The following MRTFA variants were observed in gnomAD, a reference collection of about 807,000 sequenced individuals.
MRTFA encodes the protein myocardin related transcription factor A.
Under a neutral mutation model 83.5 loss-of-function variants are expected in MRTFA, and 20 were observed. The observed-to-expected ratio is 0.24, with a 90% CI of 0.17 to 0.35. The LOEUF is 0.35. Among genes scored for constraint, MRTFA ranks in the 10% least tolerant of loss-of-function variants. The probability of loss-of-function intolerance (pLI) is 1.00; values close to 1 mark genes in which losing one functional copy is unlikely to be tolerated. For synonymous variants in MRTFA, 659 were observed against 541.2 expected (o/e 1.22, Z -3.02); for missense variants, 1,200 against 1,224.7 (o/e 0.98, Z 0.30).
rs2053067345 is a variant in MRTFA at position 40,431,446 on chromosome 22, C to T, written c.398G>A (p.Arg133Gln). The change falls in exon 6 of 15, where the codon CGG (arginine) becomes CAG (glutamine). Residue 133 changes from arginine (R) to glutamine (Q), a missense_variant. Arg to Gln is a conservative substitution (Grantham distance 43). Around this residue, in one of 2 missense-constraint regions of MRTFA, gnomAD observed 93 missense variants for 182.9 expected, o/e 0.51. Transcript: ENST00000355630. ...CCTGACCAGCTCCGATCTCTCCGGC[C>T]GGGAACGAATCTTCCGTTTGAGATA... 6.2e-7 allele frequency: 1 copy of T among 1,613,978 alleles called. No homozygotes were observed.
intron 1 of MRTFA, among the ~76,000 whole-genome samples, chr22:40,628,835 A>T (rs948309108): frequency 7.2e-5 from 11 of 152,300 alleles, no homozygotes; most frequent in Non-Finnish European, 7.3e-5. Flanking sequence ...AAACAATGAG[A>T]GAACTGGACT....
At chr22:40,595,329 G>T (rs2056176786) in intron 1 of MRTFA, among the ~76,000 whole-genome samples, 1 of 151,426 alleles carries the variant, frequency 6.6e-6, no homozygotes, top group African/African-American at 2.4e-5. Context: ...CACCATGTTG[G>T]CCAGGATGGT....
At chr22:40,590,494 C>G (rs556716530) in intron 2 of MRTFA, among the ~76,000 whole-genome samples, 3 of 151,824 alleles carry the variant, frequency 2.0e-5, no homozygotes, top group African/African-American at 7.2e-5. Flanking sequence ...TGGTGAAACC[C>G]CGTCTCTACT....
At position 40,418,470 on chromosome 22, in the gene MRTFA, G is replaced by C. The variant is rs1200772003; in HGVS notation, c.2268C>G (p.Pro756=). The change falls in exon 12 of 15, where the codon CCC becomes CCG. Residue 756 remains proline, a synonymous_variant. Transcript: ENST00000355630. ...TCCCTGTGGAGTCGGTGATGAGGGT[G>C]GGAGGTGCAACCCCCTTGATGAGGC... is the stretch of plus-strand genomic sequence containing the variant. 6.2e-7 allele frequency: 1 copy of C among 1,613,550 alleles called. No homozygotes were observed. Among genetic ancestry groups the C allele is most frequent in the Admixed American group, 1.7e-5 (1 of 59,910 alleles).
chr22:40,625,855 A>C (rs2056576126), intron 1 of MRTFA, among the ~76,000 whole-genome samples: 1 of 152,194 alleles, frequency 6.6e-6, no homozygotes, highest in Non-Finnish European at 1.5e-5. Flanking sequence ...CTTTCCCTTC[A>C]ATGCCACAAC....
In MRTFA at chr22:40,416,297, C is replaced by T. The variant is rs1396467506; in HGVS notation, c.2578+689G>A. 6.6e-6 allele frequency among the ~76,000 whole-genome samples: 1 copy of T among 152,252 alleles called. No individual in the cohort carries two copies. The highest frequency in any genetic ancestry group is 1.5e-5 in the Non-Finnish European group (1 of 68,044). ...CCAGCCGCTCCTCTGCCCGCCACTGCTGCCTGCTGGGCCAAAGCCCAGCTC... is the reference window on the plus strand; with the variant it reads ...CCAGCCGCTCCTCTGCCCGCCACTGTTGCCTGCTGGGCCAAAGCCCAGCTC... On this transcript the variant is annotated intron_variant, in intron 14 of 14. Transcript: ENST00000355630. This position sits in a 1 kb window ranked among gnomAD's most constrained non-coding sequence, Gnocchi z 4.2.
At chr22:40,562,686 G>A (rs1309082142) in intron 2 of MRTFA, among the ~76,000 whole-genome samples, 1 of 81,534 alleles carries the variant, frequency 1.2e-5, no homozygotes, top group Non-Finnish European at 2.5e-5. Flanking sequence ...GAAGAGGGAA[G>A]GGGGAAAGAG....
intron 3 of MRTFA, among the ~76,000 whole-genome samples, chr22:40,519,273 T>G (rs990879413): frequency 6.6e-6 from 1 of 152,166 alleles, no homozygotes; most frequent in Non-Finnish European, 1.5e-5. Flanking sequence ...GATGGGTACA[T>G]GGCGTAGAAG....
intron 1 of MRTFA, among the ~76,000 whole-genome samples, chr22:40,627,249 CACT>C (rs1480351409): frequency 6.6e-6 from 1 of 152,142 alleles, no homozygotes; most frequent in African/African-American, 2.4e-5. Context: ...CGGGCTCATG[CACT>C]ACAAGTGCAT....
At chr22:40,588,939 G>A (rs1361423095) in intron 2 of MRTFA, among the ~76,000 whole-genome samples, 1 of 152,098 alleles carries the variant, frequency 6.6e-6, no homozygotes, top group Admixed American at 6.5e-5. Context: ...CTATGATTGC[G>A]CCACTGCATT....
chr22:40,503,380 T>G (rs1243141510), intron 3 of MRTFA, among the ~76,000 whole-genome samples: 1 of 152,194 alleles, frequency 6.6e-6, no homozygotes, highest in African/African-American at 2.4e-5. Flanking sequence ...CAGCTAACTT[T>G]TGTACTTTTA....
At chr22:40,435,432 A>T in intron 5 of MRTFA, 67 bp downstream of exon 5, 10 of 1,501,770 alleles carry the variant, frequency 6.7e-6, no homozygotes, top group Non-Finnish European at 9.3e-6. Context: ...ATGGAAATAT[A>T]ACCAGCAATG....
chr22:40,419,693 T>G (rs2052785005), intron 11 of MRTFA, among the ~76,000 whole-genome samples: 1 of 152,148 alleles, frequency 6.6e-6, no homozygotes, highest in South Asian at 2.1e-4. Flanking sequence ...CAATAAATAT[T>G]CAATGGAACA....
chr22:40,439,383 T>C (rs1003745428), intron 4 of MRTFA, among the ~76,000 whole-genome samples: 52 of 151,664 alleles, frequency 3.4e-4, no homozygotes, highest in African/African-American at 1.2e-3. Context: ...CAGGCACCTG[T>C]AATCCCAGCT....
chr22:40,545,610 T>A (rs1381105788), intron 3 of MRTFA, among the ~76,000 whole-genome samples: 1 of 150,508 alleles, frequency 6.6e-6, no homozygotes, highest in African/African-American at 2.5e-5. Flanking sequence ...TCTTTGTATT[T>A]TTATTAGAGA....
At chr22:40,507,166 C>T (rs912676018) in intron 3 of MRTFA, among the ~76,000 whole-genome samples, 1 of 152,142 alleles carries the variant, frequency 6.6e-6, no homozygotes, top group African/African-American at 2.4e-5. Flanking sequence ...TTGAGACCAA[C>T]CTGGGCAACA....
chr22:40,517,026 A>C (rs1270496146), intron 3 of MRTFA, among the ~76,000 whole-genome samples: 1 of 151,886 alleles, frequency 6.6e-6, no homozygotes, highest in Non-Finnish European at 1.5e-5. Flanking sequence ...GGGCTCAAGC[A>C]ATTCTCCTGC....
chr22:40,447,222 C>T (rs570802611), intron 4 of MRTFA, among the ~76,000 whole-genome samples: 21 of 151,854 alleles, frequency 1.4e-4, no homozygotes, highest in Non-Finnish European at 7.4e-5. Flanking sequence ...CATGGTGGCG[C>T]GCACCTGTAG....
At position 40,440,373 on chromosome 22, in the gene MRTFA, C is replaced by G. The variant is rs184752447; in HGVS notation, c.308-4819G>C. Among the ~76,000 whole-genome samples, 707 of 152,304 alleles carry G rather than the reference C, an allele frequency of 4.6e-3. 9 individuals are homozygous for G. The highest frequency in any genetic ancestry group is 0.016 in the African/African-American group (660 of 41,566). ...GGTGGACCCCAACCCAGGTCTAGTTCTGCCTTTCCTTTCTTCCCTTGTCTA... is the reference window on the plus strand; with the variant it reads ...GGTGGACCCCAACCCAGGTCTAGTTGTGCCTTTCCTTTCTTCCCTTGTCTA... On this transcript the variant is annotated intron_variant, in intron 4 of 14. Coordinates refer to ENST00000355630, the MANE Select transcript of MRTFA (RefSeq NM_020831.6).
Sources: allele counts gnomAD v4.1 joint callset (sites outside exome capture counted in the v4.1 genomes callset), GRCh38; gene constraint gnomAD v4.1.1; regional missense constraint gnomAD v4.1.1; non-coding constraint Gnocchi (gnomAD v3.1); transcripts MANE v1.5; gene names NCBI Gene and HGNC (gene_info 2026-07-23, HGNC 2026-07-21).